Variants in EP400 observed in about 807,000 individuals in gnomAD.
EP400 encodes E1A binding protein p400.
A neutral mutation model predicts 354.1 loss-of-function variants in EP400; 105 were observed. The observed-to-expected ratio is 0.30, with a 90% CI of 0.25 to 0.35. The LOEUF is 0.35. Ranked by LOEUF, EP400 falls within the 10% of genes least tolerant of loss-of-function variation. The pLI, the probability that EP400 is intolerant of heterozygous loss-of-function variation, is 1.00. For synonymous variants in EP400, 1,646 were observed against 1,716.9 expected (o/e 0.96, Z 1.02); for missense variants, 3,280 against 4,121.0 (o/e 0.80, Z 5.59).
At chr12:131,985,356 A>G (rs1892819436) in intron 5 of EP400, among the ~76,000 whole-genome samples, 1 of 152,258 alleles carries the variant, frequency 6.6e-6, no homozygotes, top group African/African-American at 2.4e-5. Flanking sequence ...GCTGTAATAA[A>G]GCTTCATTTC....
rs1593332976 is a variant in EP400, at chr12:131,994,401, G to A, written c.2738-466G>A. The stretch of plus-strand genomic sequence containing the variant: ...TGCCAGGAGCCAAGATCTCTATGGC[G>A]AGTGAGGCGTGAGGTTCAGGGCTGG... On this transcript the variant is annotated intron_variant, in intron 11 of 52. Coordinates refer to ENST00000389561, the MANE Select transcript of EP400 (RefSeq NM_015409.5). This position sits in a 1 kb window ranked among gnomAD's most constrained non-coding sequence, Gnocchi z 4.6. 2.6e-5 allele frequency among the ~76,000 whole-genome samples: 4 copies of A among 152,164 alleles called. No homozygotes were observed. The highest frequency in any genetic ancestry group is 1.9e-4 in the East Asian group (1 of 5,192).
chr12:132,035,920 A>G (rs1166167297), intron 30 of EP400, among the ~76,000 whole-genome samples: 2 of 141,748 alleles, frequency 1.4e-5, no homozygotes, highest in Non-Finnish European at 3.0e-5. Flanking sequence ...GTTCACACGG[A>G]ACGTCGTGGA....
At chr12:132,076,051 A>G in intron 51 of EP400, 1 of 219,976 alleles carries the variant, frequency 4.5e-6, no homozygotes, top group Non-Finnish European at 9.4e-6. Flanking sequence ...TAGAAAAATG[A>G]TAAAATTACC....
Position 132,053,390 on chromosome 12 carries a change from A to ACCCCCC in EP400, c.7526_7527insCCCCCC (p.Pro2509_Pro2510dup). On this transcript the variant is annotated inframe_insertion, in exon 43 of 53. Coordinates refer to ENST00000389561, the MANE Select transcript of EP400 (RefSeq NM_015409.5). ...CACAGCAGCCGGCCGTGGCCCAGCC[A>ACCCCCC]CCCCCGCCCCAGCCGCAGCCCCCAC... 1 of 1,146,734 alleles carries ACCCCCC rather than the reference A, an allele frequency of 8.7e-7. No homozygotes were observed. The highest frequency in any genetic ancestry group is 1.2e-6 in the Non-Finnish European group (1 of 860,120). 71.0% of individuals were successfully genotyped at this position (1,146,734 alleles called of 1,614,324 possible).
chr12:132,020,306 C>T (rs914046404), intron 22 of EP400, 88 bp downstream of exon 22: 13 of 1,435,438 alleles, frequency 9.1e-6, no homozygotes, highest in South Asian at 5.7e-5. Flanking sequence ...CCTCTGGATG[C>T]GGTAATTGTC....
chr12:132,021,142 C>T lies in EP400; in HGVS notation c.4511C>T (p.Ser1504Leu), dbSNP rs774006426. 1.4e-5 allele frequency: 23 copies of T among 1,600,300 alleles called. No homozygotes were observed. Among genetic ancestry groups the T allele is most frequent in the South Asian group, 9.9e-5 (9 of 91,052 alleles). The part of the protein sequence containing the change: ...SASAPRHQPA[S>L]ASSTAASPAH... ...AGTGCTCCACGACACCAGCCCGCCT[C>T]GGCCTCCAGCACAGCCGCTAGCCCG... The change falls in exon 23 of 53, where the codon TCG (serine) becomes TTG (leucine). Residue 1504 changes from serine (S) to leucine (L), a missense_variant. By Grantham distance (145) the Ser-to-Leu change is moderately radical (BLOSUM62 -2). Transcript: ENST00000389561.
At position 132,013,283 on chromosome 12, in the gene EP400, T is replaced by A; in HGVS notation, c.3611+105T>A. 6.9e-7 allele frequency: 1 copy of A among 1,456,986 alleles called. No homozygotes were observed. Among genetic ancestry groups the A allele is most frequent in the Non-Finnish European group, 9.2e-7 (1 of 1,092,780 alleles). The allele number at this position is 1,456,986 out of a possible 1,614,324, so 90.3% of individuals were successfully genotyped here. On this transcript the variant is annotated intron_variant, in intron 17 of 52. Coordinates refer to ENST00000389561, the MANE Select transcript of EP400 (RefSeq NM_015409.5). The surrounding 1 kb of genome is among the most constrained non-coding windows in gnomAD (Gnocchi z 4.5). ...CAGACACAAACAATGGCCTTTGAGC[T>A]AGAGAATTGCTTTTCATCTTCATCC...
intron 39 of EP400, among the ~76,000 whole-genome samples, chr12:132,048,147 C>CA (rs747504008): frequency 6.6e-6 from 1 of 152,094 alleles, no homozygotes; most frequent in Non-Finnish European, 1.5e-5. Context: ...GTGCAGTTAA[C>CA]AAAATCATCA....
At position 132,049,149 on chromosome 12, in the gene EP400, A is replaced by G. The variant is rs542775353; in HGVS notation, c.7201-1174A>G. Among the ~76,000 whole-genome samples the G allele has an allele frequency of 2.0e-5, 3 of 152,314 alleles. No homozygotes were observed. The South Asian group carries it at 6.2e-4, about 32-fold the overall frequency. On this transcript the variant is annotated intron_variant, in intron 39 of 52. Coordinates refer to ENST00000389561, the MANE Select transcript of EP400 (RefSeq NM_015409.5). Reference sequence around the variant, plus strand: ...GTGAGTGGGACAGCCCCACCTCTCAAAGCCTGCGGGGGCTCCAGCAAGCCA... The same window carrying G: ...GTGAGTGGGACAGCCCCACCTCTCAGAGCCTGCGGGGGCTCCAGCAAGCCA...
chr12:131,977,256 C>T (rs1593320282), intron 2 of EP400, among the ~76,000 whole-genome samples: 2 of 152,260 alleles, frequency 1.3e-5, no homozygotes, highest in East Asian at 3.9e-4. Context: ...CCTGCTTCAG[C>T]CTCCCGAGTA....
In EP400 at chr12:131,979,701, C is replaced by T; in HGVS notation, c.1343C>T (p.Ala448Val). ...KSEVINDEQQ[A>V]LAGSLVAGAG... ...TTTCATCTTTTTTCCCAGCAGCAAG[C>T]CCTCGCAGGGAGCCTGGTAGCAGGG... The change falls in exon 3 of 53, where the codon GCC (alanine) becomes GTC (valine). Residue 448 changes from alanine to valine, a missense_variant. By Grantham distance (64) the Ala-to-Val change is moderately conservative. Around this residue, in one of 20 missense-constraint regions of EP400, gnomAD observed 800 missense variants for 840.0 expected, o/e 0.95. Transcript: ENST00000389561. The T allele has an allele frequency of 6.2e-7, 1 of 1,605,550 alleles. No individual in the cohort carries two copies. The highest frequency in any genetic ancestry group is 8.5e-7 in the Non-Finnish European group (1 of 1,176,294).
Position 132,077,605 on chromosome 12 carries a change from C to G in EP400, c.9304C>G (p.Gln3102Glu). 6.2e-7 allele frequency: 1 copy of G among 1,614,028 alleles called. No homozygotes were observed. The highest frequency in any genetic ancestry group is 8.5e-7 in the Non-Finnish European group (1 of 1,179,972). The change falls in exon 53 of 53, where the codon CAG becomes GAG. Residue 3102 changes from glutamine (Q) to glutamate (E), a missense_variant. Coordinates refer to ENST00000389561, the MANE Select transcript of EP400 (RefSeq NM_015409.5). ...CGCCAGCTCCGACAGCCCAAGCCAGCAGCCCAAGTTACAGATGAGGGTCCC... is the reference window on the plus strand; with the variant it reads ...CGCCAGCTCCGACAGCCCAAGCCAGGAGCCCAAGTTACAGATGAGGGTCCC... ...VPASSDSPSQQPKLQMRVPAV... is the reference protein window; with the variant it reads ...VPASSDSPSQEPKLQMRVPAV...
At position 131,961,839 on chromosome 12, in the gene EP400, A is replaced by G. The variant is rs1891892645; in HGVS notation, c.1220A>G (p.Lys407Arg). The G allele has an allele frequency of 6.2e-7, 1 of 1,614,234 alleles. No homozygotes were observed. Among genetic ancestry groups the G allele is most frequent in the South Asian group, 1.1e-5 (1 of 91,084 alleles). The change falls in exon 2 of 53, where the codon AAG (lysine) becomes AGG (arginine). Residue 407 changes from lysine to arginine, a missense_variant. Lys to Arg is a conservative substitution (Grantham distance 26, BLOSUM62 2). This residue lies in a region of EP400 where 800 missense variants were observed against 840.0 expected (regional missense o/e 0.95). Transcript: ENST00000389561. ...AACATGATGGATTTCTTAGCTTTCA[A>G]GAAGAAACATTATGCCCCATTACAA... ...QGNMMDFLAF[K>R]KKHYAPLQAY...
intron 30 of EP400, among the ~76,000 whole-genome samples, chr12:132,035,105 G>A (rs141765401): frequency 6.6e-6 from 1 of 152,312 alleles, no homozygotes; most frequent in African/African-American, 2.4e-5. Context: ...AATATGAACA[G>A]TCCATCCCAA....
intron 1 of EP400, among the ~76,000 whole-genome samples, chr12:131,950,633 C>CG (rs1171923716): frequency 6.6e-6 from 1 of 152,206 alleles, no homozygotes; most frequent in Non-Finnish European, 1.5e-5. Context: ...TCCTCCACGG[C>CG]GGAGCCTTAG....
intron 51 of EP400, among the ~76,000 whole-genome samples, chr12:132,069,890 G>T (rs1228078263): frequency 6.6e-6 from 1 of 152,162 alleles, no homozygotes; most frequent in Admixed American, 6.5e-5. Flanking sequence ...CCAGCTCTGT[G>T]GGGTACAGCT....
chr12:132,073,459 C>CTTTTTTTTTTTTTTTTTTT (rs58724167), intron 51 of EP400, among the ~76,000 whole-genome samples: 1,369 of 117,506 alleles, frequency 0.012, 223 homozygotes, highest in African/African-American at 0.049. Context: ...GTCCCTTTTC[C>CTTTTTTTTTTTTTTTTTTT]TTTTTTTTTT....
At chr12:132,001,513 T>G (rs1893413985) in intron 12 of EP400, among the ~76,000 whole-genome samples, 1 of 152,108 alleles carries the variant, frequency 6.6e-6, no homozygotes, top group Non-Finnish European at 1.5e-5. Flanking sequence ...AGGGAGACGG[T>G]TAGGCCTCCG....
At position 132,031,995 on chromosome 12, in the gene EP400, G is replaced by A. The variant is rs138759431; in HGVS notation, c.5797G>A (p.Ala1933Thr). The A allele has an allele frequency of 6.2e-7, 1 of 1,613,282 alleles. No individual in the cohort carries two copies. The highest frequency in any genetic ancestry group is 1.3e-5 in the African/African-American group (1 of 74,996). The stretch of plus-strand genomic sequence containing the variant: ...CAACAGAGACAGGCGGATTTTTTGT[G>A]CCATTCTCTCCACTCACAGCCGTAC... ...SFNRDRRIFC[A>T]ILSTHSRTTG... Residue 1933 changes from alanine (A) to threonine (T), a missense_variant, in exon 30 of 53, where the codon GCC (alanine) becomes ACC (threonine). This residue lies in a region of EP400 where 459 missense variants were observed against 496.9 expected (regional missense o/e 0.92). Coordinates refer to ENST00000389561, the MANE Select transcript of EP400 (RefSeq NM_015409.5).
Sources: gnomAD v4.1 joint callset for allele counts (sites outside exome capture counted in the v4.1 genomes callset) on GRCh38, gnomAD v4.1.1 for gene constraint, gnomAD v4.1.1 regional missense constraint, Gnocchi (gnomAD v3.1) non-coding constraint, MANE v1.5 for transcripts, NCBI Gene and HGNC (gene_info 2026-07-23, HGNC 2026-07-21) for gene names.